Variants in APAF1 observed in about 807,000 individuals in gnomAD.
The protein encoded by APAF1 is apoptotic protease-activating factor 1.
In APAF1, 91 loss-of-function variants were observed where a neutral mutation model predicts 152.4. The observed-to-expected ratio is 0.60, with a 90% CI of 0.50 to 0.71. APAF1 has a LOEUF of 0.71. Among genes scored for constraint, APAF1 ranks in the 30% least tolerant of loss-of-function variants. The pLI is 0.00. For synonymous variants in APAF1, 484 were observed against 494.1 expected (o/e 0.98, Z 0.27); for missense variants, 1,283 against 1,472.0 (o/e 0.87, Z 2.10).
At position 98,669,388 on chromosome 12, in the gene APAF1, A is replaced by G. The variant is rs200729421; in HGVS notation, c.1495-1585A>G. Among the ~76,000 whole-genome samples, 11 of 152,286 alleles carry G rather than the reference A, an allele frequency of 7.2e-5. No homozygotes were observed. In the East Asian group the frequency reaches 1.9e-3, roughly 27 times the overall value. On this transcript the variant is annotated intron_variant, in intron 10 of 26. Coordinates refer to ENST00000551964, the MANE Select transcript of APAF1 (RefSeq NM_181861.2). Reference sequence around the variant, plus strand: ...TGGTTGATTTTCATTGGAAAAACAGAAAAAAACGATGAAAAGGAAAACAGA... The same window carrying G: ...TGGTTGATTTTCATTGGAAAAACAGGAAAAAACGATGAAAAGGAAAACAGA...
chr12:98,710,179 G>GTTTTTTTTT (rs71443529), intron 20 of APAF1, among the ~76,000 whole-genome samples: 13 of 127,724 alleles, frequency 1.0e-4, no homozygotes, highest in Non-Finnish European at 1.6e-4. Context: ...CGGCCTAAGG[G>GTTTTTTTTT]TTTTTTTTTT....
At chr12:98,647,716 T>G (rs2097643403) in intron 1 of APAF1, among the ~76,000 whole-genome samples, 1 of 150,972 alleles carries the variant, frequency 6.6e-6, no homozygotes, top group African/African-American at 2.4e-5. Flanking sequence ...TTTTTTTTTT[T>G]TTTTTTTTTC....
intron 25 of APAF1, chr12:98,726,463 A>G (rs1166228601): frequency 6.5e-6 from 1 of 152,748 alleles, no homozygotes; most frequent in African/African-American, 2.4e-5. Flanking sequence ...GAACAGGTAT[A>G]TAGTGCAGAA....
chr12:98,670,933 C>T (rs1346172039), intron 10 of APAF1, 40 bp from the exon 11 acceptor site: 1 of 1,325,706 alleles, frequency 7.5e-7, no homozygotes, highest in Non-Finnish European at 1.1e-6. Context: ...ATTTTTTGAT[C>T]TCTAACAGTG....
chr12:98,735,014 A>G lies in APAF1; in HGVS notation c.*2448A>G, dbSNP rs1131021. On this transcript the variant is annotated 3_prime_UTR_variant, in exon 27 of 27. Coordinates refer to ENST00000551964, the MANE Select transcript of APAF1 (RefSeq NM_181861.2). ...TGTAATCCCAGCTCCTTGGGAGGCT[A>G]AGACAGGAGGATTCCTTGAGCCCTG... is the stretch of plus-strand genomic sequence containing the variant. The G allele has an allele frequency of 1.3e-5, 5 of 388,932 alleles. No homozygotes were observed. The highest frequency in any genetic ancestry group is 1.8e-5 in the Non-Finnish European group (4 of 220,938). 24.1% of individuals were successfully genotyped at this position (388,932 alleles called of 1,614,324 possible).
chr12:98,647,951 G>C (rs1015533677), intron 1 of APAF1, among the ~76,000 whole-genome samples: 1 of 151,644 alleles, frequency 6.6e-6, no homozygotes, highest in African/African-American at 2.4e-5. Context: ...TTATAGGCTT[G>C]AGCTACCACA....
At chr12:98,715,630 G>A in intron 22 of APAF1, 78 bp downstream of exon 22, 1 of 1,538,856 alleles carries the variant, frequency 6.5e-7, no homozygotes, top group Non-Finnish European at 9.0e-7. Flanking sequence ...CTAAAATCTG[G>A]TGTATATTTT....
In APAF1 at chr12:98,703,464, T is replaced by G; in HGVS notation, c.2560T>G (p.Leu854Val). The change falls in exon 18 of 27, where the codon TTG becomes GTG. Residue 854 changes from leucine to valine, a missense_variant. Transcript: ENST00000551964. ...QYCDFSPQNH[L>V]AVVALSQYCV... ...CTGTGACTTCTCCCCACAAAACCAT[T>G]TGGCAGTGGTTGCTTTGTCCCAGTA... The G allele has an allele frequency of 6.2e-7, 1 of 1,614,194 alleles. No individual in the cohort carries two copies. The highest frequency in any genetic ancestry group is 8.5e-7 in the Non-Finnish European group (1 of 1,180,032).
At chr12:98,697,627 C>G (rs565088456) in intron 16 of APAF1, among the ~76,000 whole-genome samples, 1 of 152,302 alleles carries the variant, frequency 6.6e-6, no homozygotes, top group African/African-American at 2.4e-5. Context: ...GGGACAGACA[C>G]TACTGCACTC....
rs765064029 is a variant in APAF1, at chr12:98,665,804, A to G, written c.1194+13A>G. The G allele has an allele frequency of 1.3e-5, 21 of 1,557,032 alleles. No individual in the cohort carries two copies. In the Middle Eastern group the frequency reaches 5.0e-4, roughly 37 times the overall value. ...GGTGCCTACAAAGGTAATGGGATCA[A>G]TGATCCTCATCATTGGGTATTTATT... On this transcript the variant is annotated intron_variant, in intron 8 of 26. Transcript: ENST00000551964.
At chr12:98,725,358 G>T (rs1297733677) in intron 24 of APAF1, 57 bp from the exon 25 acceptor site, 2 of 1,608,832 alleles carry the variant, frequency 1.2e-6, no homozygotes, top group Admixed American at 1.7e-5. Context: ...AGCAATCAAG[G>T]CAGATGCTTA....
At chr12:98,715,234 GCATATATATA>G (rs1342844687) in intron 21 of APAF1, among the ~76,000 whole-genome samples, 183 bp from the exon 22 acceptor site, 24 of 58,326 alleles carry the variant, frequency 4.1e-4, no homozygotes, top group Non-Finnish European at 6.8e-4. Context: ...TACATGGTGT[GCATATATATA>G]TATATATATA....
rs1381680519 is a variant in APAF1, at chr12:98,649,496, T to C, written c.338T>C (p.Val113Ala). The C allele has an allele frequency of 6.2e-7, 1 of 1,614,038 alleles. No homozygotes were observed. The highest frequency in any genetic ancestry group is 8.5e-7 in the Non-Finnish European group (1 of 1,179,974). The change falls in exon 4 of 27, where the codon GTC (valine) becomes GCC (alanine). Residue 113 changes from valine to alanine, a missense_variant. Physicochemically the swap from Val to Ala is moderately conservative, Grantham distance 64. Coordinates refer to ENST00000551964, the MANE Select transcript of APAF1 (RefSeq NM_181861.2). ...TTGTTTTGGATTTTAGTAAGGACAG[T>C]CCTGTGTGAAGGTGGAGTACCACAG... Reference protein sequence around the residue: ...VSGITSYVRTVLCEGGVPQRP... With the variant: ...VSGITSYVRTALCEGGVPQRP...
At chr12:98,701,510 T>C (rs2097715371) in intron 17 of APAF1, among the ~76,000 whole-genome samples, 1 of 152,254 alleles carries the variant, frequency 6.6e-6, no homozygotes, top group South Asian at 2.1e-4. Context: ...ATAAAACTTG[T>C]TATTGTTCAT....
intron 15 of APAF1, among the ~76,000 whole-genome samples, chr12:98,686,125 A>G (rs757953012): frequency 1.3e-5 from 2 of 152,214 alleles, no homozygotes; most frequent in Non-Finnish European, 1.5e-5. Flanking sequence ...TTCTCAAAAC[A>G]TGCATTTCTA....
chr12:98,648,299 T>C lies in APAF1; in HGVS notation c.-41-20T>C. The C allele has an allele frequency of 6.3e-7, 1 of 1,581,838 alleles. No individual in the cohort carries two copies. ...CATATTTTTATTGGCCTGACAAATA[T>C]TTTGGTGTTTTGGCTGTAGCTCATG... On this transcript the variant is annotated intron_variant, in intron 1 of 26. Transcript: ENST00000551964.
chr12:98,670,759 A>C (rs2097679115), intron 10 of APAF1: 1 of 388,106 alleles, frequency 2.6e-6, no homozygotes, highest in African/African-American at 2.1e-5. Context: ...TTTTCTATTT[A>C]AATTTTTAAC....
intron 18 of APAF1, among the ~76,000 whole-genome samples, chr12:98,705,178 TCTTGTCA>T (rs1565885807): frequency 6.6e-6 from 1 of 152,182 alleles, no homozygotes; most frequent in East Asian, 1.9e-4. Context: ...TTTCAGCCTT[TCTTGTCA>T]CTTCTAAAGT....
At chr12:98,720,987 T>A (rs2097741825) in intron 22 of APAF1, among the ~76,000 whole-genome samples, 1 of 151,594 alleles carries the variant, frequency 6.6e-6, no homozygotes. Context: ...AAAAAAAAAA[T>A]TTCCTTAACA....
Sources: gnomAD v4.1 joint callset for allele counts (sites outside exome capture counted in the v4.1 genomes callset) on GRCh38, gnomAD v4.1.1 for gene constraint, MANE v1.5 for transcripts, NCBI Gene and HGNC (gene_info 2026-07-23, HGNC 2026-07-21) for gene names.